AGMO: variants seen among roughly 807,000 people sequenced by gnomAD.
AGMO encodes alkylglycerol monooxygenase.
AGMO carries 75 observed loss-of-function variants against 60.2 expected under a neutral mutation model. That is an observed-to-expected ratio of 1.25 (90% CI 1.03 to 1.51). The LOEUF (loss-of-function observed/expected upper bound fraction) is 1.51, where lower values mean the gene tolerates loss of function less well. Ranked by LOEUF, AGMO falls within the 40% of genes most tolerant of loss-of-function variation. The pLI is 0.00. For synonymous variants in AGMO, 261 were observed against 177.1 expected (o/e 1.47, Z -3.76); for missense variants, 763 against 525.5 (o/e 1.45, Z -4.42).
At position 15,200,380 on chromosome 7, in the gene AGMO, G is replaced by T. The variant is rs1781243827; in HGVS notation, c.*905C>A. On this transcript the variant is annotated 3_prime_UTR_variant, in exon 13 of 13. Transcript: ENST00000342526. The stretch of plus-strand genomic sequence containing the variant: ...TGATAACTTTAAATAATGCAGAATT[G>T]CTGCATGCTGCCCAGTCTGCCAAAA... 6.6e-6 allele frequency: 1 copy of T among 152,198 alleles called. No homozygotes were observed. Among genetic ancestry groups the T allele is most frequent in the Admixed American group, 6.5e-5 (1 of 15,274 alleles). The allele number at this position is 152,198 out of a possible 1,614,324, so 9.4% of individuals were successfully genotyped here.
At chr7:15,553,715 C>T (rs144234793) in intron 2 of AGMO, among the ~76,000 whole-genome samples, 2 of 150,780 alleles carry the variant, frequency 1.3e-5, no homozygotes, top group South Asian at 4.1e-4. Context: ...TAAAAAAATA[C>T]ATAAATAAAT....
chr7:15,306,655 G>A (rs367825457), intron 12 of AGMO: 2 of 354,950 alleles, frequency 5.6e-6, no homozygotes, highest in South Asian at 2.1e-5. Context: ...ATTAAGGATT[G>A]TTAATGCTTC....
chr7:15,198,216 AGAGAGAGAG>A, downstream of AGMO, among the ~76,000 whole-genome samples: 1 of 99,424 alleles, frequency 1.0e-5, no homozygotes, highest in African/African-American at 6.1e-5. Flanking sequence ...AGAGAGAGAG[AGAGAGAGAG>A]AGAGAGAGAG....
intron 12 of AGMO, among the ~76,000 whole-genome samples, chr7:15,208,574 T>TC (rs1374394090): frequency 6.6e-6 from 1 of 152,210 alleles, no homozygotes; most frequent in Non-Finnish European, 1.5e-5. Context: ...CTAGCTTGAC[T>TC]CTCTGCTGAG....
At chr7:15,436,825 T>C (rs1781416695) in intron 3 of AGMO, among the ~76,000 whole-genome samples, 1 of 152,186 alleles carries the variant, frequency 6.6e-6, no homozygotes, top group African/African-American at 2.4e-5. Context: ...GGCACATCTT[T>C]GGTAACTTCC....
intron 5 of AGMO, among the ~76,000 whole-genome samples, chr7:15,416,225 G>A (rs1319444433): frequency 6.6e-6 from 1 of 151,778 alleles, no homozygotes; most frequent in Non-Finnish European, 1.5e-5. Context: ...GTAGAAATGA[G>A]GTTTCACCAT....
At position 15,547,360 on chromosome 7, in the gene AGMO, G is replaced by C. The variant is rs551617878; in HGVS notation, c.258-2437C>G. Among the ~76,000 whole-genome samples, 3 of 152,174 alleles carry C rather than the reference G, an allele frequency of 2.0e-5. No individual in the cohort carries two copies. In the South Asian group the frequency reaches 6.2e-4, roughly 32 times the overall value. On this transcript the variant is annotated intron_variant, in intron 2 of 12. Coordinates refer to ENST00000342526, the MANE Select transcript of AGMO (RefSeq NM_001004320.2). ...AGCTCCGGTCTACAGCTCCCAGCAT[G>C]AGCGACGCAGAAGACGGGTGATTTC...
chr7:15,309,003 T>G (rs1297160870), intron 12 of AGMO, among the ~76,000 whole-genome samples: 1 of 152,162 alleles, frequency 6.6e-6, no homozygotes, highest in Non-Finnish European at 1.5e-5. Flanking sequence ...GGTAAGCAAC[T>G]TTACTACTCA....
At chr7:15,313,176 G>A (rs1051807678) in intron 12 of AGMO, among the ~76,000 whole-genome samples, 1 of 152,122 alleles carries the variant, frequency 6.6e-6, no homozygotes, top group Non-Finnish European at 1.5e-5. Context: ...CTCCTTCGAT[G>A]TTTTGTAACA....
At chr7:15,397,041 C>T (rs1222555022) in intron 5 of AGMO, among the ~76,000 whole-genome samples, 2 of 152,126 alleles carry the variant, frequency 1.3e-5, no homozygotes, top group Non-Finnish European at 2.9e-5. Context: ...GAAAAGTTCT[C>T]CAAGTCACCA....
intron 8 of AGMO, among the ~76,000 whole-genome samples, chr7:15,390,391 T>G (rs1158642388): frequency 6.6e-6 from 1 of 152,196 alleles, no homozygotes; most frequent in Non-Finnish European, 1.5e-5. Flanking sequence ...CATGAACATA[T>G]TTCAGGTCCA....
the AGMO span, among the ~76,000 whole-genome samples, chr7:15,147,291 A>C: frequency 6.6e-6 from 1 of 152,180 alleles, no homozygotes. Flanking sequence ...TGGGTAATTT[A>C]TAAAGGAAAG....
chr7:15,162,908 C>G, the AGMO span, among the ~76,000 whole-genome samples: 6 of 151,984 alleles, frequency 3.9e-5, no homozygotes, highest in Non-Finnish European at 7.4e-5. Flanking sequence ...TCACTTTGGC[C>G]TCTATGGTCA....
At chr7:15,507,977 T>C (rs538146721) in intron 3 of AGMO, among the ~76,000 whole-genome samples, 6 of 152,148 alleles carry the variant, frequency 3.9e-5, no homozygotes, top group African/African-American at 1.4e-4. Flanking sequence ...ACTTTTGTCA[T>C]TGTTAAAAAT....
At chr7:15,458,447 C>T (rs1354702306) in intron 3 of AGMO, among the ~76,000 whole-genome samples, 1 of 152,102 alleles carries the variant, frequency 6.6e-6, no homozygotes, top group Non-Finnish European at 1.5e-5. Flanking sequence ...AAAGGAATGG[C>T]CTAGCCTGGG....
At chr7:15,251,524 C>A (rs1782938595) in intron 12 of AGMO, among the ~76,000 whole-genome samples, 1 of 152,150 alleles carries the variant, frequency 6.6e-6, no homozygotes, top group Non-Finnish European at 1.5e-5. Context: ...ACAAAACTGT[C>A]AGAAGTCTCT....
intron 12 of AGMO, among the ~76,000 whole-genome samples, chr7:15,215,156 C>T (rs1222819313): frequency 6.6e-6 from 1 of 152,036 alleles, no homozygotes; most frequent in Non-Finnish European, 1.5e-5. Context: ...CAGTCCACCA[C>T]AGAGTATTTA....
rs371214008 is a variant in AGMO at position 15,322,621 on chromosome 7, A to AAT, written c.1263+42891_1263+42892dup. ...ATATATAAATATATATAAATATATA[A>AAT]ATATATATAAATATATATAAATATA... On this transcript the variant is annotated intron_variant, in intron 12 of 12. Coordinates refer to ENST00000342526, the MANE Select transcript of AGMO (RefSeq NM_001004320.2). Among the ~76,000 whole-genome samples, 3 of 30,244 alleles carry AAT rather than the reference A, an allele frequency of 9.9e-5. 1 individual carries two copies. Among genetic ancestry groups the AAT allele is most frequent in the African/African-American group, 4.0e-4 (2 of 4,976 alleles). 19.8% of individuals were successfully genotyped at this position (30,244 alleles called of 152,430 possible). A position where few individuals can be genotyped will look rare whatever the true frequency, so the allele number is the denominator to read the frequency against.
chr7:15,262,404 T>C (rs1418707559), intron 12 of AGMO, among the ~76,000 whole-genome samples: 2 of 151,886 alleles, frequency 1.3e-5, no homozygotes, highest in Admixed American at 1.3e-4. Flanking sequence ...TAAAATACTT[T>C]GGAATATACC....
Sources: allele counts gnomAD v4.1 joint callset (sites outside exome capture counted in the v4.1 genomes callset), GRCh38; gene constraint gnomAD v4.1.1; transcripts MANE v1.5; gene names NCBI Gene and HGNC (gene_info 2026-07-23, HGNC 2026-07-21).